Variants in DARS1 observed in about 807,000 individuals in gnomAD.
DARS1 encodes aspartyl-tRNA synthetase 1, also known as aspartate--tRNA ligase, cytoplasmic.
In DARS1, 51 loss-of-function variants were observed where a neutral mutation model predicts 68.8. The observed-to-expected ratio is 0.74, with a 90% CI of 0.59 to 0.94. The LOEUF (loss-of-function observed/expected upper bound fraction) is 0.94, where lower values mean the gene tolerates loss of function less well. Ranked by LOEUF, DARS1 falls within the 40% of genes least tolerant of loss-of-function variation. The probability of loss-of-function intolerance (pLI) is 0.00; values close to 1 mark genes in which losing one functional copy is unlikely to be tolerated. For synonymous variants in DARS1, 203 were observed against 190.4 expected (o/e 1.07, Z -0.55); for missense variants, 607 against 597.3 (o/e 1.02, Z -0.17).
Position 135,979,277 on chromosome 2 carries a change from T to C in DARS1, c.214A>G (p.Lys72Glu). The C allele has an allele frequency of 7.7e-7, 1 of 1,304,502 alleles. No homozygotes were observed. The highest frequency in any genetic ancestry group is 1.1e-6 in the Non-Finnish European group (1 of 897,710). The allele number at this position is 1,304,502 out of a possible 1,614,324, so 80.8% of individuals were successfully genotyped here. ...VRARVHTSRA[K>E]GKQCFLVLRQ... is the part of the protein sequence containing the mutation. Reference sequence around the variant, plus strand: ...TTAATAATGAAACCAATCCTACCTTTAGCTCTGCTTGTATGAACTCTTGCA... The same window carrying C: ...TTAATAATGAAACCAATCCTACCTTCAGCTCTGCTTGTATGAACTCTTGCA... Residue 72 changes from lysine to glutamate, a missense_variant, in exon 3 of 16, where the codon AAA becomes GAA. Lys to Glu is a moderately conservative substitution (Grantham distance 56). Transcript: ENST00000264161.
intron 4 of DARS1, among the ~76,000 whole-genome samples, chr2:135,956,464 G>A (rs1681979477): frequency 6.6e-6 from 1 of 152,200 alleles, no homozygotes; most frequent in South Asian, 2.1e-4. Context: ...AACCCAATTA[G>A]CTATGGCGGG....
At chr2:135,971,223 C>T (rs182592764) in intron 3 of DARS1, among the ~76,000 whole-genome samples, 56 of 152,180 alleles carry the variant, frequency 3.7e-4, no homozygotes, top group African/African-American at 1.3e-3. Context: ...TTCAACAATA[C>T]GGTAAAAAGA....
intron 3 of DARS1, among the ~76,000 whole-genome samples, chr2:135,966,894 A>C (rs769328502): frequency 9.9e-5 from 15 of 152,240 alleles, no homozygotes; most frequent in Non-Finnish European, 1.5e-5. Context: ...TTTTCAGAAG[A>C]AGCAGTTTAT....
chr2:135,965,107 A>G (rs956979220), intron 3 of DARS1, among the ~76,000 whole-genome samples: 3 of 152,138 alleles, frequency 2.0e-5, no homozygotes, highest in African/African-American at 7.2e-5. Flanking sequence ...TAGATAAAGG[A>G]GATCCTAATT....
intron 7 of DARS1, among the ~76,000 whole-genome samples, chr2:135,925,836 C>T (rs187679206): frequency 2.8e-4 from 43 of 152,222 alleles, no homozygotes; most frequent in African/African-American, 8.9e-4. Context: ...ACCTATTTAG[C>T]AAAAAGCTGT....
At chr2:135,982,882 T>G (rs1682669144) in intron 2 of DARS1, among the ~76,000 whole-genome samples, 1 of 152,210 alleles carries the variant, frequency 6.6e-6, no homozygotes. Context: ...GTTTCTTATC[T>G]TTCAACTTTG....
At position 135,911,373 on chromosome 2, in the gene DARS1, GTT is replaced by G; in HGVS notation, c.1342+7_1342+8del. The G allele has an allele frequency of 1.1e-6, 1 of 898,094 alleles. No homozygotes were observed. The highest frequency in any genetic ancestry group is 1.9e-6 in the Non-Finnish European group (1 of 529,476). 55.6% of individuals were successfully genotyped at this position (898,094 alleles called of 1,614,324 possible). A position where few individuals can be genotyped will look rare whatever the true frequency, so the allele number is the denominator to read the frequency against. On this transcript the variant is annotated splice_region_variant and intron_variant, in intron 14 of 15. Transcript: ENST00000264161. ...TATACACTCCCCTAAATTATTTTAA[GTT>G]GTTTACCAATTCCATGATGTAAAGC...
chr2:135,961,987 C>G (rs1449092633), intron 3 of DARS1, among the ~76,000 whole-genome samples: 1 of 152,224 alleles, frequency 6.6e-6, no homozygotes, highest in East Asian at 1.9e-4. Context: ...TACAGAGTTT[C>G]TTCCTACCAA....
chr2:135,913,417 T>A (rs1558776500), intron 12 of DARS1, among the ~76,000 whole-genome samples: 1 of 152,138 alleles, frequency 6.6e-6, no homozygotes, highest in Non-Finnish European at 1.5e-5. Context: ...TGACTTTTTT[T>A]AGAGAATGCT....
At chr2:135,984,714 G>A (rs1478047092) in intron 1 of DARS1, among the ~76,000 whole-genome samples, 2 of 152,208 alleles carry the variant, frequency 1.3e-5, no homozygotes, top group Non-Finnish European at 2.9e-5. Context: ...TAGGGAGCCA[G>A]ACGGAAATTA....
At chr2:135,966,268 T>TTCCA (rs145399118) in intron 3 of DARS1, among the ~76,000 whole-genome samples, 25,994 of 151,886 alleles carry the variant, frequency 0.17, 2,597 homozygotes, top group Middle Eastern at 0.4. Flanking sequence ...AGACCTCTAT[T>TTCCA]TCCATATCTT....
intron 3 of DARS1, among the ~76,000 whole-genome samples, chr2:135,972,130 C>T (rs1033633665): frequency 6.6e-6 from 1 of 152,016 alleles, no homozygotes. Context: ...CAAAGCTATG[C>T]TGAGCAAAAA....
intron 4 of DARS1, among the ~76,000 whole-genome samples, chr2:135,951,586 G>A (rs1681839868): frequency 6.6e-6 from 1 of 152,212 alleles, no homozygotes; most frequent in South Asian, 2.1e-4. Flanking sequence ...AACAATTTGA[G>A]TATAATGAGA....
chr2:135,911,520 A>C (rs1472442783), intron 13 of DARS1, 27 bp from the exon 14 acceptor site: 2 of 832,388 alleles, frequency 2.4e-6, no homozygotes, highest in South Asian at 2.8e-5. Flanking sequence ...ACCAGTCCTC[A>C]AGTGACTACC....
At chr2:135,927,461 C>A (rs1000528960) in intron 7 of DARS1, among the ~76,000 whole-genome samples, 4 of 151,960 alleles carry the variant, frequency 2.6e-5, no homozygotes, top group African/African-American at 9.7e-5. Context: ...AGGAAAAAGG[C>A]CTTCTTTATC....
chr2:135,914,378 T>C (rs1216447651), intron 12 of DARS1, 91 bp downstream of exon 12: 1 of 785,970 alleles, frequency 1.3e-6, no homozygotes, highest in Non-Finnish European at 2.2e-6. Flanking sequence ...ATCATACCAT[T>C]CTAGGAAGCT....
intron 9 of DARS1, 74 bp from the exon 10 acceptor site, chr2:135,920,674 C>T (rs1199718043): frequency 2.0e-6 from 3 of 1,469,686 alleles, no homozygotes; most frequent in South Asian, 1.5e-5. Flanking sequence ...TAAATACAAA[C>T]TTTTATTTAG....
At chr2:135,935,896 G>C (rs568059783) in intron 5 of DARS1, among the ~76,000 whole-genome samples, 8 of 152,308 alleles carry the variant, frequency 5.3e-5, no homozygotes, top group African/African-American at 1.9e-4. Flanking sequence ...CCAAGAAATA[G>C]TGTAGGATAC....
chr2:135,929,061 T>C (rs1236698042), intron 7 of DARS1, among the ~76,000 whole-genome samples: 2 of 152,198 alleles, frequency 1.3e-5, no homozygotes, highest in African/African-American at 4.8e-5. Flanking sequence ...TATTCATTCA[T>C]TCTAACGTAT....
Sources: gnomAD v4.1 joint callset for allele counts (sites outside exome capture counted in the v4.1 genomes callset) on GRCh38, gnomAD v4.1.1 for gene constraint, MANE v1.5 for transcripts, NCBI Gene and HGNC (gene_info 2026-07-23, HGNC 2026-07-21) for gene names.